The following ADGRB3 variants were observed in gnomAD, a reference collection of about 807,000 sequenced individuals.
The protein encoded by ADGRB3 is brain-specific angiogenesis inhibitor 3.
A neutral mutation model predicts 193.4 loss-of-function variants in ADGRB3; 37 were observed. The ratio of observed to expected loss-of-function variants is 0.19; its 90% CI spans 0.15 to 0.25. ADGRB3 has a LOEUF of 0.25. ADGRB3 is among the 10% of genes least tolerant of loss of function. ADGRB3 has a pLI of 1.00. For missense variants in ADGRB3, 1,637 were observed against 1,852.9 expected, an observed-to-expected ratio of 0.88 and a Z score of 2.14; for synonymous variants, 690 against 644.2, an observed-to-expected ratio of 1.07 and a Z score of -1.08.
chr6:69,015,844 T>TAA (rs545689462), intron 12 of ADGRB3, among the ~76,000 whole-genome samples: 1 of 146,344 alleles, frequency 6.8e-6, no homozygotes, highest in Non-Finnish European at 1.5e-5. Context: ...CTACTAAAGT[T>TAA]AAAAAAAAAA....
chr6:69,369,863 G>GT (rs1329080516), intron 29 of ADGRB3, among the ~76,000 whole-genome samples: 4 of 151,860 alleles, frequency 2.6e-5, no homozygotes, highest in Non-Finnish European at 4.4e-5. Flanking sequence ...AAATTGCTAG[G>GT]TTTTTTTTCT....
At chr6:69,116,494 A>C (rs1773536760) in intron 17 of ADGRB3, among the ~76,000 whole-genome samples, 1 of 152,172 alleles carries the variant, frequency 6.6e-6, no homozygotes. Flanking sequence ...TTTTCAGGAC[A>C]CAGCTGGGAT....
At chr6:69,345,329 G>T (rs556783537) in intron 26 of ADGRB3, among the ~76,000 whole-genome samples, 1 of 152,220 alleles carries the variant, frequency 6.6e-6, no homozygotes, top group African/African-American at 2.4e-5. Context: ...TTTCCCTGAT[G>T]AATATCAATG....
chr6:69,383,666 C>T (rs148688155), intron 31 of ADGRB3, among the ~76,000 whole-genome samples: 39 of 152,088 alleles, frequency 2.6e-4, no homozygotes, highest in African/African-American at 9.4e-4. Context: ...TTTCTAAACT[C>T]CAATTTCACC....
At chr6:68,824,662 G>C (rs764188410) in intron 3 of ADGRB3, among the ~76,000 whole-genome samples, 157 of 148,332 alleles carry the variant, frequency 1.1e-3, no homozygotes, top group Non-Finnish European at 1.4e-3. Context: ...AAATATATAT[G>C]TGTAATCATG....
At chr6:69,040,368 T>TCTTTCTTTCTTTCTTTCTTTC (rs1491581527) in intron 13 of ADGRB3, among the ~76,000 whole-genome samples, 1 of 52,742 alleles carries the variant, frequency 1.9e-5, no homozygotes, top group Admixed American at 2.6e-4. Context: ...TTTCTTTCTT[T>TCTTTCTTTCTTTCTTTCTTTC]CTTTCTTTCC....
At chr6:69,016,441 T>C (rs754546627) in intron 12 of ADGRB3, among the ~76,000 whole-genome samples, 1 of 151,974 alleles carries the variant, frequency 6.6e-6, no homozygotes, top group Non-Finnish European at 1.5e-5. Flanking sequence ...TAACTAGTTC[T>C]GAAGAGAACT....
intron 3 of ADGRB3, among the ~76,000 whole-genome samples, chr6:68,926,449 G>A (rs1454203255): frequency 6.6e-6 from 1 of 152,094 alleles, no homozygotes; most frequent in Non-Finnish European, 1.5e-5. Flanking sequence ...AAAAGCAGGT[G>A]TTTTAAGTTT....
intron 17 of ADGRB3, among the ~76,000 whole-genome samples, chr6:69,145,999 G>T (rs943257155): frequency 2.6e-5 from 4 of 152,156 alleles, no homozygotes; most frequent in African/African-American, 9.7e-5. Flanking sequence ...CAGTCCACGG[G>T]ATTACCAGCC....
chr6:69,031,044 C>CCTT lies in ADGRB3; in HGVS notation c.2107+12545_2107+12546insCTT, dbSNP rs1562128854. 6.8e-3 allele frequency among the ~76,000 whole-genome samples: 61 copies of CCTT among 9,034 alleles called. 5 individuals are homozygous for CCTT. Among genetic ancestry groups the CCTT allele is most frequent in the Admixed American group, 0.011 (8 of 746 alleles). 5.9% of individuals were successfully genotyped at this position (9,034 alleles called of 152,430 possible). ...TTTTTTTCCTCTTCTCTTCTCTCTTCTCTTCTCTTCTCTTCTCTTCTCTTC... is the reference window on the plus strand; with the variant it reads ...TTTTTTTCCTCTTCTCTTCTCTCTTCCTTTCTTCTCTTCTCTTCTCTTCTCTTC... On this transcript the variant is annotated intron_variant, in intron 13 of 31. Transcript: ENST00000370598.
intron 30 of ADGRB3, among the ~76,000 whole-genome samples, chr6:69,373,363 G>A (rs182778155): frequency 1.3e-5 from 2 of 152,106 alleles, no homozygotes; most frequent in Admixed American, 6.5e-5. Context: ...TGTACATCAT[G>A]TGTCAAAACT....
intron 20 of ADGRB3, among the ~76,000 whole-genome samples, chr6:69,306,095 C>T (rs73471326): frequency 0.013 from 2,034 of 151,428 alleles, 86 homozygotes; most frequent in African/African-American, 0.045. Context: ...GATTTGGGTA[C>T]CCATGAGGGT....
chr6:68,698,116 A>G (rs1765186527), intron 3 of ADGRB3, among the ~76,000 whole-genome samples: 1 of 151,836 alleles, frequency 6.6e-6, no homozygotes, highest in South Asian at 2.1e-4. Context: ...TGTAACTATT[A>G]TGGTTATAAT....
intron 29 of ADGRB3, among the ~76,000 whole-genome samples, chr6:69,370,140 G>T (rs1319618048): frequency 1.3e-5 from 2 of 152,066 alleles, no homozygotes; most frequent in Non-Finnish European, 2.9e-5. Context: ...AGGTGAAGTG[G>T]GCAAGTAATT....
intron 3 of ADGRB3, among the ~76,000 whole-genome samples, chr6:68,718,436 G>A (rs2127321622): frequency 6.6e-6 from 1 of 151,836 alleles, no homozygotes; most frequent in African/African-American, 2.4e-5. Flanking sequence ...AAACATGACT[G>A]CCTCCTACTA....
rs567282849 is a variant in ADGRB3 at position 68,720,899 on chromosome 6, G to A, written c.757+81467G>A. On this transcript the variant is annotated intron_variant, in intron 3 of 31. Coordinates refer to ENST00000370598, the MANE Select transcript of ADGRB3 (RefSeq NM_001704.3). ...AGGTTAGATGATTATAATGATTGTTGTCTTCTTGTCACAGATAATCATTTT... is the reference window on the plus strand; with the variant it reads ...AGGTTAGATGATTATAATGATTGTTATCTTCTTGTCACAGATAATCATTTT... Among the ~76,000 whole-genome samples the A allele has an allele frequency of 1.7e-3, 253 of 151,852 alleles. 1 individual carries two copies. Among genetic ancestry groups the A allele is most frequent in the Non-Finnish European group, 3.2e-3 (219 of 67,834 alleles).
chr6:69,031,571 C>CTTTCTCTCTCTCTCT (rs1337493560), intron 13 of ADGRB3, among the ~76,000 whole-genome samples: 6 of 106,838 alleles, frequency 5.6e-5, no homozygotes, highest in Non-Finnish European at 1.2e-4. Flanking sequence ...TTCTTTTCTT[C>CTTTCTCTCTCTCTCT]CTCTGTCTCT....
At chr6:69,249,044 C>T (rs1766557166) in intron 20 of ADGRB3, among the ~76,000 whole-genome samples, 1 of 152,140 alleles carries the variant, frequency 6.6e-6, no homozygotes, top group Non-Finnish European at 1.5e-5. Context: ...GTAGCGCGAT[C>T]TTGGCTCACT....
intron 20 of ADGRB3, among the ~76,000 whole-genome samples, chr6:69,249,621 C>T (rs763871747): frequency 5.3e-5 from 8 of 152,148 alleles, no homozygotes; most frequent in Non-Finnish European, 8.8e-5. Flanking sequence ...CAAATTCATG[C>T]ATAGACAGAG....
Sources: allele counts gnomAD v4.1 joint callset (sites outside exome capture counted in the v4.1 genomes callset), GRCh38; gene constraint gnomAD v4.1.1; transcripts MANE v1.5; gene names NCBI Gene and HGNC (gene_info 2026-07-23, HGNC 2026-07-21).